Variants in CSMD1 observed in about 807,000 individuals in gnomAD.
CSMD1 encodes the protein CUB and sushi domain-containing protein 1.
CSMD1 carries 213 observed loss-of-function variants against 417.5 expected under a neutral mutation model. That is an observed-to-expected ratio of 0.51 (90% CI 0.46 to 0.57). The LOEUF is 0.57. Ranked by LOEUF, CSMD1 falls within the 20% of genes least tolerant of loss-of-function variation. CSMD1 has a pLI of 0.00. For missense variants in CSMD1, 6,923 were observed against 4,529.7 expected, an observed-to-expected ratio of 1.53 and a Z score of -15.17; for synonymous variants, 2,862 against 1,736.8, an observed-to-expected ratio of 1.65 and a Z score of -16.11.
chr8:4,366,558 T>A (rs73175755), intron 3 of CSMD1, among the ~76,000 whole-genome samples: 5 of 152,136 alleles, frequency 3.3e-5, no homozygotes, highest in African/African-American at 1.2e-4. Flanking sequence ...TATAAAAACG[T>A]TACTTTTTTT....
chr8:4,879,680 G>T (rs1803271962), intron 1 of CSMD1, among the ~76,000 whole-genome samples: 1 of 151,948 alleles, frequency 6.6e-6, no homozygotes, highest in Admixed American at 6.6e-5. Context: ...GAAAGCAGGA[G>T]AATCGGGAGA....
intron 10 of CSMD1, among the ~76,000 whole-genome samples, chr8:3,508,472 G>A (rs1345888476): frequency 1.3e-5 from 2 of 151,668 alleles, no homozygotes; most frequent in East Asian, 3.9e-4. Flanking sequence ...AAACCTGCAT[G>A]TTGTGCACAT....
At chr8:4,806,749 G>A (rs771816666) in intron 1 of CSMD1, among the ~76,000 whole-genome samples, 21 of 152,132 alleles carry the variant, frequency 1.4e-4, no homozygotes, top group Non-Finnish European at 2.6e-4. Context: ...AACTTCATTT[G>A]AAAACCACCC....
intron 3 of CSMD1, among the ~76,000 whole-genome samples, chr8:4,102,231 C>G (rs189045494): frequency 1.3e-5 from 2 of 152,216 alleles, no homozygotes; most frequent in East Asian, 1.9e-4. Context: ...GCCCCTTGCC[C>G]TTCTGTAATG....
intron 2 of CSMD1, among the ~76,000 whole-genome samples, chr8:4,567,848 ACT>A (rs1156754496): frequency 6.6e-6 from 1 of 152,168 alleles, no homozygotes; most frequent in African/African-American, 2.4e-5. Flanking sequence ...ATTAATTCAG[ACT>A]CTACATAAGC....
Position 4,238,609 on chromosome 8 carries a change from C to G in CSMD1, c.415+181344G>C, listed in dbSNP as rs1331008796. ...ACTCTAAAGGACTTCAGTCTTCTCA[C>G]TTAAAAAACAGGAAGAATGAAACCA... On this transcript the variant is annotated intron_variant, in intron 3 of 69. Coordinates refer to ENST00000635120, the MANE Select transcript of CSMD1 (RefSeq NM_033225.6). Among the ~76,000 whole-genome samples the G allele has an allele frequency of 2.0e-5, 3 of 152,280 alleles. No homozygotes were observed. In the East Asian group the frequency reaches 5.8e-4, roughly 29 times the overall value.
intron 3 of CSMD1, among the ~76,000 whole-genome samples, chr8:4,064,853 A>C (rs1022114115): frequency 6.6e-6 from 1 of 152,106 alleles, no homozygotes; most frequent in Non-Finnish European, 1.5e-5. Flanking sequence ...ATGTAAGTGT[A>C]CTGTGTTTGT....
At chr8:3,852,730 C>G (rs1434593754) in intron 5 of CSMD1, among the ~76,000 whole-genome samples, 3 of 151,986 alleles carry the variant, frequency 2.0e-5, no homozygotes, top group Non-Finnish European at 4.4e-5. Flanking sequence ...GATGGAGGGT[C>G]AGGTAAGCGT....
At chr8:3,430,142 CAT>C (rs1814126774) in intron 12 of CSMD1, among the ~76,000 whole-genome samples, 1 of 152,086 alleles carries the variant, frequency 6.6e-6, no homozygotes, top group Admixed American at 6.6e-5. Context: ...TACATACAAA[CAT>C]ATGAATATAC....
chr8:3,356,077 C>G (rs1416651192), intron 21 of CSMD1, among the ~76,000 whole-genome samples: 2 of 152,202 alleles, frequency 1.3e-5, no homozygotes, highest in Non-Finnish European at 2.9e-5. Context: ...CAGATGCTCA[C>G]TAGAAATTCC....
In CSMD1 at chr8:3,291,884, G is replaced by C. The variant is rs553876512; in HGVS notation, c.3951-7538C>G. 1.6e-3 allele frequency among the ~76,000 whole-genome samples: 248 copies of C among 152,038 alleles called. 1 individual carries two copies. Among genetic ancestry groups the C allele is most frequent in the African/African-American group, 5.5e-3 (230 of 41,478 alleles). On this transcript the variant is annotated intron_variant, in intron 25 of 69. Transcript: ENST00000635120. ...CTTCTGCTAGCTTTTGAATGTGTTT[G>C]TTCTTGCTTTTCTAGTTCTTTTAAT...
intron 3 of CSMD1, among the ~76,000 whole-genome samples, chr8:4,187,238 C>T (rs144734494): frequency 6.6e-6 from 1 of 152,262 alleles, no homozygotes; most frequent in African/African-American, 2.4e-5. Flanking sequence ...GGAACTTTAA[C>T]ATGTGCTTAT....
chr8:4,496,868 C>A (rs1413809829), intron 2 of CSMD1, among the ~76,000 whole-genome samples: 1 of 152,156 alleles, frequency 6.6e-6, no homozygotes, highest in Non-Finnish European at 1.5e-5. Flanking sequence ...AATATCAGGA[C>A]AGATCTTTCC....
intron 7 of CSMD1, among the ~76,000 whole-genome samples, chr8:3,684,073 T>A (rs576864419): frequency 1.4e-4 from 20 of 148,030 alleles, no homozygotes; most frequent in African/African-American, 4.4e-4. Flanking sequence ...ACTCTAAACA[T>A]GAAAAAAGCA....
At chr8:3,675,801 T>G (rs756738192) in intron 7 of CSMD1, among the ~76,000 whole-genome samples, 2 of 152,172 alleles carry the variant, frequency 1.3e-5, no homozygotes, top group Non-Finnish European at 2.9e-5. Context: ...TCTATGATAT[T>G]TTGTTATAGC....
At chr8:3,885,019 T>A (rs1003808773) in intron 5 of CSMD1, among the ~76,000 whole-genome samples, 12 of 151,632 alleles carry the variant, frequency 7.9e-5, no homozygotes, top group African/African-American at 2.4e-4. Flanking sequence ...AGCTCTGAAA[T>A]AAATGTACCT....
At chr8:4,148,100 G>A (rs896085184) in intron 3 of CSMD1, among the ~76,000 whole-genome samples, 1 of 152,074 alleles carries the variant, frequency 6.6e-6, no homozygotes, top group Non-Finnish European at 1.5e-5. Context: ...ACATAACACA[G>A]ATGGCATCTT....
At chr8:4,943,310 A>G (rs1165247058) in intron 1 of CSMD1, among the ~76,000 whole-genome samples, 2 of 151,990 alleles carry the variant, frequency 1.3e-5, no homozygotes, top group African/African-American at 4.8e-5. Context: ...CCTGGCTGAC[A>G]CTATGAAAAC....
At chr8:4,370,407 G>A (rs1158717098) in intron 3 of CSMD1, among the ~76,000 whole-genome samples, 1 of 152,094 alleles carries the variant, frequency 6.6e-6, no homozygotes, top group Admixed American at 6.6e-5. Context: ...AAAATCTGAT[G>A]ATATTGTCTT....
Sources: gnomAD v4.1 joint callset for allele counts (sites outside exome capture counted in the v4.1 genomes callset) on GRCh38, gnomAD v4.1.1 for gene constraint, MANE v1.5 for transcripts, NCBI Gene and HGNC (gene_info 2026-07-23, HGNC 2026-07-21) for gene names.